The following PDZRN3 variants were observed in gnomAD, a reference collection of about 807,000 sequenced individuals.
PDZRN3 encodes the protein E3 ubiquitin-protein ligase PDZRN3.
PDZRN3 carries 38 observed loss-of-function variants against 85.7 expected under a neutral mutation model. The ratio of observed to expected loss-of-function variants is 0.44; its 90% CI spans 0.34 to 0.58. The LOEUF (loss-of-function observed/expected upper bound fraction) is 0.58. Ranked by LOEUF, PDZRN3 falls within the 20% of genes least tolerant of loss-of-function variation. The pLI is 0.01. For synonymous variants in PDZRN3, 759 were observed against 638.0 expected, an observed-to-expected ratio of 1.19 and a Z score of -2.86; for missense variants, 1,629 against 1,506.4, an observed-to-expected ratio of 1.08 and a Z score of -1.35.
At chr3:73,403,222 AG>A (rs1701789629) in intron 4 of PDZRN3, among the ~76,000 whole-genome samples, 1 of 152,256 alleles carries the variant, frequency 6.6e-6, no homozygotes, top group African/African-American at 2.4e-5. Flanking sequence ...CTGGGATTAC[AG>A]GTGTGAGCCA....
chr3:73,383,480 C>A lies in PDZRN3; in HGVS notation c.3086G>T (p.Arg1029Met). 6.2e-7 allele frequency: 1 copy of A among 1,614,100 alleles called. No homozygotes were observed. The highest frequency in any genetic ancestry group is 8.5e-7 in the Non-Finnish European group (1 of 1,180,024). The change falls in exon 10 of 10, where the codon AGG becomes ATG. Residue 1029 changes from arginine (R) to methionine (M), a missense_variant. Physicochemically the swap from Arg to Met is moderately conservative, Grantham distance 91 (BLOSUM62 -1). Coordinates refer to ENST00000263666, the MANE Select transcript of PDZRN3 (RefSeq NM_015009.3). ...ELSHKKMMKK[R>M]NKKIFDNWMT... ...CCAGTTATCGAAGATTTTCTTATTCCTCTTCTTCATCATCTTTTTGTGGCT... is the reference window on the plus strand; with the variant it reads ...CCAGTTATCGAAGATTTTCTTATTCATCTTCTTCATCATCTTTTTGTGGCT...
At chr3:73,620,792 G>A (rs1175811566) in intron 1 of PDZRN3, among the ~76,000 whole-genome samples, 1 of 152,028 alleles carries the variant, frequency 6.6e-6, no homozygotes, top group African/African-American at 2.4e-5. Context: ...TAGCCAGGAT[G>A]GTCTCGATCT....
intron 3 of PDZRN3, among the ~76,000 whole-genome samples, chr3:73,492,868 T>C (rs1361604776): frequency 2.0e-5 from 3 of 152,148 alleles, no homozygotes; most frequent in South Asian, 2.1e-4. Flanking sequence ...TATGCATGTA[T>C]TGAAATATCA....
chr3:73,486,598 T>C (rs1703666458), intron 3 of PDZRN3, among the ~76,000 whole-genome samples: 1 of 152,204 alleles, frequency 6.6e-6, no homozygotes, highest in Admixed American at 6.5e-5. Flanking sequence ...GAATTGTACA[T>C]TTAAAAATGG....
At chr3:73,537,866 T>C (rs1043148943) in intron 3 of PDZRN3, among the ~76,000 whole-genome samples, 37 of 151,594 alleles carry the variant, frequency 2.4e-4, no homozygotes, top group Admixed American at 2.2e-3. Context: ...TCTCAAATGA[T>C]CCGCCCGCCT....
At chr3:73,452,847 G>A (rs1006820968) in intron 3 of PDZRN3, among the ~76,000 whole-genome samples, 1 of 151,018 alleles carries the variant, frequency 6.6e-6, no homozygotes, top group African/African-American at 2.4e-5. Flanking sequence ...ATCTGTGTGT[G>A]TGTGTGTGTG....
At chr3:73,426,422 C>T (rs1451749351) in intron 3 of PDZRN3, among the ~76,000 whole-genome samples, 6 of 152,138 alleles carry the variant, frequency 3.9e-5, no homozygotes, top group Non-Finnish European at 1.5e-5. Flanking sequence ...TATATATTCT[C>T]TCTCCTTTAC....
intron 3 of PDZRN3, among the ~76,000 whole-genome samples, chr3:73,499,551 A>G (rs1405319578): frequency 6.6e-6 from 1 of 152,206 alleles, no homozygotes; most frequent in Non-Finnish European, 1.5e-5. Flanking sequence ...CTAGATATTA[A>G]CAACCACAAG....
intron 3 of PDZRN3, among the ~76,000 whole-genome samples, chr3:73,501,943 G>T (rs544084361): frequency 1.3e-5 from 2 of 152,194 alleles, no homozygotes; most frequent in African/African-American, 4.8e-5. Context: ...TTGAACCTGG[G>T]AGGCGGAGAT....
intron 3 of PDZRN3, among the ~76,000 whole-genome samples, chr3:73,405,866 A>C (rs919606675): frequency 1.3e-5 from 2 of 152,204 alleles, no homozygotes; most frequent in Non-Finnish European, 2.9e-5. Context: ...GAACATAAGT[A>C]TTGGTTGTAA....
At chr3:73,483,556 A>G (rs1304963235) in intron 3 of PDZRN3, among the ~76,000 whole-genome samples, 1 of 152,254 alleles carries the variant, frequency 6.6e-6, no homozygotes, top group Non-Finnish European at 1.5e-5. Context: ...GCTGCCACAT[A>G]GTTAAGCAAA....
chr3:73,526,716 C>T (rs1228093241), intron 3 of PDZRN3, among the ~76,000 whole-genome samples: 2 of 152,150 alleles, frequency 1.3e-5, no homozygotes, highest in Admixed American at 6.6e-5. Flanking sequence ...TCCAGACAGT[C>T]TCAGTCTGTT....
At chr3:73,546,911 A>C (rs1464569706) in intron 3 of PDZRN3, among the ~76,000 whole-genome samples, 1 of 152,202 alleles carries the variant, frequency 6.6e-6, no homozygotes, top group East Asian at 1.9e-4. Flanking sequence ...CTCTGGAAAA[A>C]GCCTGAGTTC....
At chr3:73,493,717 G>C (rs4342049) in intron 3 of PDZRN3, among the ~76,000 whole-genome samples, 147,892 of 152,334 alleles carry the variant, frequency 0.97, 71,908 homozygotes, top group Non-Finnish European at 1. Context: ...GTGATGAAGA[G>C]GTGCCTCAGG....
chr3:73,455,990 A>G (rs919244692), intron 3 of PDZRN3, among the ~76,000 whole-genome samples: 1 of 152,228 alleles, frequency 6.6e-6, no homozygotes, highest in African/African-American at 2.4e-5. Flanking sequence ...CCCTGCATAA[A>G]TAATAACCAT....
At chr3:73,402,502 G>A (rs1701769507) in intron 4 of PDZRN3, 1 of 152,202 alleles carries the variant, frequency 6.6e-6, no homozygotes, top group South Asian at 2.1e-4. Flanking sequence ...TCTGTATAAA[G>A]GGACAGTCAT....
intron 3 of PDZRN3, among the ~76,000 whole-genome samples, chr3:73,481,861 CAAAA>C (rs150426962): frequency 1.2e-3 from 182 of 152,152 alleles, no homozygotes; most frequent in African/African-American, 4.2e-3. Flanking sequence ...GAGAAAAAGA[CAAAA>C]AAAGAATTCC....
intron 5 of PDZRN3, among the ~76,000 whole-genome samples, chr3:73,395,051 G>C (rs538345834): frequency 6.6e-6 from 1 of 152,342 alleles, no homozygotes; most frequent in East Asian, 1.9e-4. Context: ...GAGAGTCCAA[G>C]GCAGGATGAT....
At chr3:73,478,319 G>A (rs1361598840) in intron 3 of PDZRN3, among the ~76,000 whole-genome samples, 3 of 152,038 alleles carry the variant, frequency 2.0e-5, no homozygotes, top group Admixed American at 6.6e-5. Flanking sequence ...TCTGTCTCCT[G>A]TCAGATCAGC....
Sources: allele counts gnomAD v4.1 joint callset (sites outside exome capture counted in the v4.1 genomes callset), GRCh38; gene constraint gnomAD v4.1.1; transcripts MANE v1.5; gene names NCBI Gene and HGNC (gene_info 2026-07-23, HGNC 2026-07-21).